ABCA2: variants seen among roughly 807,000 people sequenced by gnomAD.
ABCA2 encodes ATP-binding cassette sub-family A member 2.
In ABCA2, 84 loss-of-function variants were observed where a neutral mutation model predicts 262.8. The ratio of observed to expected loss-of-function variants is 0.32; its 90% confidence interval spans 0.27 to 0.38. The LOEUF (loss-of-function observed/expected upper bound fraction) is 0.38. Ranked by LOEUF, ABCA2 falls within the 10% of genes least tolerant of loss-of-function variation. The probability of loss-of-function intolerance (pLI) is 1.00; values close to 1 mark genes in which losing one functional copy is unlikely to be tolerated. For missense variants in ABCA2, 2,662 were observed against 3,405.9 expected, an observed-to-expected ratio of 0.78 and a Z score of 5.44; for synonymous variants, 1,696 against 1,502.9, an observed-to-expected ratio of 1.13 and a Z score of -2.97.
At position 137,010,043 on chromosome 9, in the gene ABCA2, G is replaced by T. The variant is rs1478719937; in HGVS notation, c.6435C>A (p.Ala2145=). ...GCGTGTACAGCTGCAGGTGCTCCCG[G>T]GCCGTGAGCTCGTCGAACAGCGCGT... The part of the protein sequence containing the change: ...QCDALFDELT[A]REHLQLYTRL... Residue 2145 remains alanine, a synonymous_variant, in exon 42 of 49, where the codon GCC becomes GCA. Transcript: ENST00000341511. 6.2e-7 allele frequency: 1 copy of T among 1,601,660 alleles called. No homozygotes were observed. The highest frequency in any genetic ancestry group is 1.7e-5 in the Admixed American group (1 of 59,044).
rs759840269 is a variant in ABCA2, at chr9:137,014,725, G to T, written c.3968C>A (p.Ser1323Ter). The change falls in exon 26 of 49, where the codon TCG becomes TAG. Residue 1323 changes from serine (S) to a stop codon, truncating the protein, a stop_gained. Transcript: ENST00000341511. LOFTEE classifies it high-confidence loss of function. ...TTLEEVFLKV[S>*]EEDQSLENSE... ...GTTCTCCAGCGACTGATCCTCCTCC[G>T]ACACCTTGAGGAACACTTCCTCCAG... 6.2e-7 allele frequency: 1 copy of T among 1,605,050 alleles called. No homozygotes were observed.
In ABCA2 at chr9:137,017,298, G is replaced by T; in HGVS notation, c.2451C>A (p.Cys817Ter). ...LYSKAKLASA[C>*]GGIIYFLSYV... ...AGCTCAGGAAGTAGATGATGCCACC[G>T]CAGGCCGAGGCCAGCTTGGCCTTGG... The change falls in exon 18 of 49, where the codon TGC (cysteine) becomes TGA (stop). Residue 817 changes from cysteine to a stop codon, truncating the protein, a stop_gained. Coordinates refer to ENST00000341511, the MANE Select transcript of ABCA2 (RefSeq NM_001606.5). LOFTEE classifies it high-confidence loss of function. The T allele has an allele frequency of 6.2e-7, 1 of 1,612,670 alleles. No homozygotes were observed. Among genetic ancestry groups the T allele is most frequent in the Non-Finnish European group, 8.5e-7 (1 of 1,179,890 alleles).
In ABCA2 at chr9:137,009,411, A is replaced by T. The variant is rs1475447456; in HGVS notation, c.6786T>A (p.Gly2262=). The T allele has an allele frequency of 2.0e-6, 3 of 1,484,596 alleles. No homozygotes were observed. In the South Asian group the frequency reaches 3.4e-5, roughly 17 times the overall value. 92.0% of individuals were successfully genotyped at this position (1,484,596 alleles called of 1,614,324 possible). ...GGATGCTGCCCAGGCACCGCAGGCG[A>T]CCGTTCACCATGATGGCCAGCCGCG... is the stretch of plus-strand genomic sequence containing the variant. ...LCTRLAIMVN[G]RLRCLGSIQH... is the part of the protein sequence containing the mutation. The change falls in exon 45 of 49, where the codon GGT becomes GGA. Residue 2262 remains glycine, a synonymous_variant. Transcript: ENST00000341511.
chr9:137,023,454 G>A (rs747823757), intron 3 of ABCA2: 1 of 717,212 alleles, frequency 1.4e-6, no homozygotes, highest in Non-Finnish European at 2.6e-6. Flanking sequence ...CAGCTGGTTA[G>A]CAGAGTGAGT....
At position 137,007,556 on chromosome 9, in the gene ABCA2, AAG is replaced by A. The variant is rs975248422; in HGVS notation, c.*371_*372del. ...CGCTCTCGGCATCAGCCTTCATCGT[AAG>A]AGAGAAAAGCTGGTTCCGAGGCCGG... is the stretch of plus-strand genomic sequence containing the variant. On this transcript the variant is annotated 3_prime_UTR_variant, in exon 49 of 49. Coordinates refer to ENST00000341511, the MANE Select transcript of ABCA2 (RefSeq NM_001606.5). The A allele has an allele frequency of 7.8e-5, 26 of 333,028 alleles. No homozygotes were observed. The highest frequency in any genetic ancestry group is 4.8e-4 in the African/African-American group (22 of 45,726). 20.6% of individuals were successfully genotyped at this position (333,028 alleles called of 1,614,324 possible).
chr9:137,011,823 C>T lies in ABCA2; in HGVS notation c.5535+21G>A. ...GGGGGATGAGAAGGGCCGGGGCACCCCATGGCCACGCCGGGCGCACCATGT... is the reference window on the plus strand; with the variant it reads ...GGGGGATGAGAAGGGCCGGGGCACCTCATGGCCACGCCGGGCGCACCATGT... On this transcript the variant is annotated intron_variant, in intron 35 of 48. Transcript: ENST00000341511. The surrounding 1 kb of genome is among the most constrained non-coding windows in gnomAD (Gnocchi z 8.8). 1 of 1,563,328 alleles carries T rather than the reference C, an allele frequency of 6.4e-7. No homozygotes were observed. The highest frequency in any genetic ancestry group is 2.4e-5 in the East Asian group (1 of 41,642).
At chr9:137,023,077 G>A in intron 3 of ABCA2, 25 bp from the exon 4 acceptor site, 1 of 1,539,470 alleles carries the variant, frequency 6.5e-7, no homozygotes, top group Non-Finnish European at 8.8e-7. Context: ...GGAGAGGGCA[G>A]GGTCGGGGGT....
Position 137,012,522 on chromosome 9 carries a change from G to C in ABCA2, c.5150C>G (p.Pro1717Arg). ...GCGCACCGCGATCTTCCGCACCATG[G>C]GTGGGGCCCTGGTGCCAAATGAGGC... ...IPASFGTRAPPMVRKIAVRRA... is the reference protein window; with the variant it reads ...IPASFGTRAPRMVRKIAVRRA... Residue 1717 changes from proline to arginine, a missense_variant, in exon 32 of 49, where the codon CCC becomes CGC. Physicochemically the swap from Pro to Arg is moderately radical, Grantham distance 103. Around this residue, in one of 12 missense-constraint regions of ABCA2, gnomAD observed 602 missense variants for 897.4 expected, o/e 0.67. Coordinates refer to ENST00000341511, the MANE Select transcript of ABCA2 (RefSeq NM_001606.5). 3 of 1,611,950 alleles carry C rather than the reference G, an allele frequency of 1.9e-6. No homozygotes were observed. Among genetic ancestry groups the C allele is most frequent in the Non-Finnish European group, 2.5e-6 (3 of 1,179,874 alleles).
In ABCA2 at chr9:137,012,535, T is replaced by C. The variant is rs1198884747; in HGVS notation, c.5137A>G (p.Thr1713Ala). ...TTCCGCACCATGGGTGGGGCCCTGG[T>C]GCCAAATGAGGCTGGGATGGACTTC... ...VLKSIPASFG[T>A]RAPPMVRKIA... Residue 1713 changes from threonine to alanine, a missense_variant, in exon 32 of 49, where the codon ACC becomes GCC. Coordinates refer to ENST00000341511, the MANE Select transcript of ABCA2 (RefSeq NM_001606.5). 3.1e-6 allele frequency: 5 copies of C among 1,611,938 alleles called. 1 individual carries two copies. In the Admixed American group the frequency reaches 6.7e-5, roughly 21 times the overall value.
chr9:137,023,129 G>A (rs1831538095), intron 3 of ABCA2, 77 bp from the exon 4 acceptor site: 1 of 1,151,220 alleles, frequency 8.7e-7, no homozygotes, highest in Non-Finnish European at 1.3e-6. Flanking sequence ...AGGGGAGGGA[G>A]ACAGAGGCCG....
intron 4 of ABCA2, 38 bp from the exon 5 acceptor site, chr9:137,022,903 G>A (rs1425618491): frequency 6.4e-7 from 1 of 1,567,720 alleles, no homozygotes. Flanking sequence ...GATGGGCTGG[G>A]GAGGGGTGGG....
Position 137,011,618 on chromosome 9 carries a change from C to A in ABCA2, c.5651+16G>T, listed in dbSNP as rs757391139. 1.3e-6 allele frequency: 2 copies of A among 1,552,924 alleles called. No homozygotes were observed. The highest frequency in any genetic ancestry group is 1.7e-6 in the Non-Finnish European group (2 of 1,148,566). ...CGGTCCCACCTGAGGCCGCTCCCCC[C>A]TCCGCTTCCGCTTACCCATAGAGCA... is the stretch of plus-strand genomic sequence containing the variant. On this transcript the variant is annotated intron_variant, in intron 36 of 48. Transcript: ENST00000341511. This position sits in a 1 kb window ranked among gnomAD's most constrained non-coding sequence, Gnocchi z 8.8.
At chr9:137,020,228 A>G in intron 10 of ABCA2, 108 bp downstream of exon 10, 1 of 1,475,904 alleles carries the variant, frequency 6.8e-7, no homozygotes, top group Non-Finnish European at 9.3e-7. Context: ...TGCACCCCGT[A>G]CCCCTCCCGT....
rs537693840 is a variant in ABCA2 at position 137,008,681 on chromosome 9, C to CGGGTGAG, written c.7068+43_7068+49dup. The CGGGTGAG allele has an allele frequency of 8.7e-3, 2,512 of 289,036 alleles. 9 individuals carry two copies. The highest frequency in any genetic ancestry group is 0.012 in the Non-Finnish European group (1,864 of 161,568). The allele number at this position is 289,036 out of a possible 1,614,324, so 17.9% of individuals were successfully genotyped here. On this transcript the variant is annotated intron_variant, in intron 47 of 48. Coordinates refer to ENST00000341511, the MANE Select transcript of ABCA2 (RefSeq NM_001606.5). ...TGGTCTGGGGTGAGGAGGGGCAGGG[C>CGGGTGAG]GGGTGAGGGGAGGGGCAGGTGTGGT...
At chr9:137,010,887 G>GGCC in intron 39 of ABCA2, 86 bp downstream of exon 39, 3 of 497,018 alleles carry the variant, frequency 6.0e-6, no homozygotes, top group Non-Finnish European at 9.5e-6. Context: ...CCCCATCCCT[G>GGCC]CCCCCACCCC....
At chr9:137,015,210 C>T (rs1237280147) in intron 24 of ABCA2, 113 bp from the exon 25 acceptor site, 1 of 1,303,510 alleles carries the variant, frequency 7.7e-7, no homozygotes, top group Admixed American at 2.6e-5. Flanking sequence ...AACCAGGCCC[C>T]AGCAGGTATC....
Position 137,021,524 on chromosome 9 carries a change from C to T in ABCA2, c.765G>A (p.Glu255=), listed in dbSNP as rs1159741961. The T allele has an allele frequency of 1.9e-6, 3 of 1,603,166 alleles. No homozygotes were observed. The highest frequency in any genetic ancestry group is 1.7e-6 in the Non-Finnish European group (2 of 1,175,808). Residue 255 remains glutamate, a synonymous_variant, in exon 8 of 49, where the codon GAG becomes GAA. Coordinates refer to ENST00000341511, the MANE Select transcript of ABCA2 (RefSeq NM_001606.5). This position sits in a 1 kb window ranked among gnomAD's most constrained non-coding sequence, Gnocchi z 6.0. The part of the protein sequence containing the change: ...GELGRILTVP[E]SQKGALQGYR... ...AGCCCTGCAGGGCTCCCTTCTGACT[C>T]TCAGGCACAGTGAGGATCCGGCCCA... is the stretch of plus-strand genomic sequence containing the variant.
chr9:137,027,430 G>T, intron 1 of ABCA2: 1 of 152,944 alleles, frequency 6.5e-6, no homozygotes. Context: ...GCAACAGAGT[G>T]GATCAGGCTC....
rs753559092 is a variant in ABCA2 at position 137,015,942 on chromosome 9, C to A, written c.3317+20G>T. 1.8e-5 allele frequency: 10 copies of A among 553,860 alleles called. No homozygotes were observed. The highest frequency in any genetic ancestry group is 5.1e-5 in the South Asian group (3 of 59,220). The allele number at this position is 553,860 out of a possible 1,614,324, so 34.3% of individuals were successfully genotyped here. On this transcript the variant is annotated intron_variant, in intron 22 of 48. Coordinates refer to ENST00000341511, the MANE Select transcript of ABCA2 (RefSeq NM_001606.5). ...CAGGGCCTCCGCCCACCTGCCCCGC[C>A]CCCCGCCCAGCCCACCCACTTGTCC...
Sources: allele counts gnomAD v4.1 joint callset, GRCh38; gene constraint gnomAD v4.1.1; regional missense constraint gnomAD v4.1.1; non-coding constraint Gnocchi (gnomAD v3.1); transcripts MANE v1.5; gene names NCBI Gene and HGNC (gene_info 2026-07-23, HGNC 2026-07-21).